CAPZA1: variants seen among roughly 807,000 people sequenced by gnomAD.
CAPZA1 encodes the protein F-actin-capping protein subunit alpha-1.
CAPZA1 carries 10 observed loss-of-function variants against 40.8 expected under a neutral mutation model. That is an observed-to-expected ratio of 0.25 (90% confidence interval 0.15 to 0.42). The LOEUF is 0.42. Ranked by LOEUF, CAPZA1 falls within the 10% of genes least tolerant of loss-of-function variation. The probability of loss-of-function intolerance (pLI) is 1.00; values close to 1 mark genes in which losing one functional copy is unlikely to be tolerated. For missense variants in CAPZA1, 277 were observed against 353.8 expected, an observed-to-expected ratio of 0.78 and a Z score of 1.74; for synonymous variants, 98 against 115.0, an observed-to-expected ratio of 0.85 and a Z score of 0.95.
At chr1:112,624,362 A>G (rs1670753948) in intron 1 of CAPZA1, among the ~76,000 whole-genome samples, 1 of 152,140 alleles carries the variant, frequency 6.6e-6, no homozygotes, top group Non-Finnish European at 1.5e-5. Context: ...TAATCCCAGT[A>G]CTTTGGGAGG....
chr1:112,658,874 C>T (rs748395988), intron 5 of CAPZA1, 148 bp from the exon 6 acceptor site: 1 of 610,550 alleles, frequency 1.6e-6, no homozygotes, highest in African/African-American at 1.8e-5. Context: ...GCTTTGTTTT[C>T]ATATCCCATG....
intron 2 of CAPZA1, 40 bp downstream of exon 2, chr1:112,647,313 A>ATTAT (rs1412905534): frequency 1.9e-6 from 2 of 1,043,502 alleles, no homozygotes; most frequent in African/African-American, 3.2e-5. Context: ...CTTAATTACC[A>ATTAT]TTATTTATTG....
intron 9 of CAPZA1, among the ~76,000 whole-genome samples, 177 bp from the exon 10 acceptor site, chr1:112,669,815 A>G (rs1671795844): frequency 6.6e-6 from 1 of 152,208 alleles, no homozygotes; most frequent in African/African-American, 2.4e-5. Flanking sequence ...TTTTAGAAAT[A>G]ATATAGGTGA....
chr1:112,664,706 G>A (rs1671689923), intron 7 of CAPZA1, among the ~76,000 whole-genome samples: 1 of 152,170 alleles, frequency 6.6e-6, no homozygotes, highest in Non-Finnish European at 1.5e-5. Flanking sequence ...GGAGACCGAG[G>A]TGGGTGGATC....
chr1:112,667,725 G>GA (rs2101193622), intron 8 of CAPZA1, among the ~76,000 whole-genome samples: 1 of 152,046 alleles, frequency 6.6e-6, no homozygotes, highest in African/African-American at 2.4e-5. Flanking sequence ...GTAGAGATGA[G>GA]GTTTCTATGT....
At chr1:112,632,599 A>G (rs1038225492) in intron 1 of CAPZA1, among the ~76,000 whole-genome samples, 1 of 152,180 alleles carries the variant, frequency 6.6e-6, no homozygotes, top group African/African-American at 2.4e-5. Context: ...GTCAAATCCT[A>G]GTTCAAAAGA....
At position 112,627,602 on chromosome 1, in the gene CAPZA1, A is replaced by G. The variant is rs1367438938; in HGVS notation, c.39+7719A>G. Among the ~76,000 whole-genome samples the G allele has an allele frequency of 5.2e-5, 7 of 134,114 alleles. No homozygotes were observed. The East Asian group carries it at 1.4e-3, about 26-fold the overall frequency. 88.0% of individuals were successfully genotyped at this position (134,114 alleles called of 152,430 possible). ...AGCCGAGATCATGCCATTGCACTCC[A>G]GCCTGGCCTGGCCGACAGTGCGAGA... On this transcript the variant is annotated intron_variant, in intron 1 of 9. Coordinates refer to ENST00000263168, the MANE Select transcript of CAPZA1 (RefSeq NM_006135.3).
At chr1:112,626,644 G>C (rs936359446) in intron 1 of CAPZA1, among the ~76,000 whole-genome samples, 1 of 151,922 alleles carries the variant, frequency 6.6e-6, no homozygotes, top group Non-Finnish European at 1.5e-5. Context: ...TTTCACTCAG[G>C]ACCTTTTTTT....
At chr1:112,620,218 T>C (rs1279377504) in intron 1 of CAPZA1, 3 of 239,746 alleles carry the variant, frequency 1.3e-5, no homozygotes, top group Non-Finnish European at 1.6e-5. Context: ...TTGCGACATA[T>C]CAAAAAGCAG....
intron 7 of CAPZA1, among the ~76,000 whole-genome samples, chr1:112,666,243 A>G (rs1671723185): frequency 6.6e-6 from 1 of 152,242 alleles, no homozygotes; most frequent in African/African-American, 2.4e-5. Flanking sequence ...AAATTAAACC[A>G]GTTATACTCC....
chr1:112,664,426 A>T (rs543723707), intron 7 of CAPZA1, among the ~76,000 whole-genome samples: 2 of 152,214 alleles, frequency 1.3e-5, no homozygotes, highest in East Asian at 1.9e-4. Flanking sequence ...CAGATCAAGG[A>T]ATTTCTAACT....
At chr1:112,647,078 C>A in intron 1 of CAPZA1, 132 bp from the exon 2 acceptor site, 1 of 445,076 alleles carries the variant, frequency 2.2e-6, no homozygotes, top group Non-Finnish European at 3.9e-6. Context: ...TTTGAAGACT[C>A]CTAAACAGTA....
intron 1 of CAPZA1, among the ~76,000 whole-genome samples, chr1:112,622,615 C>A (rs1285898534): frequency 2.6e-5 from 4 of 151,848 alleles, no homozygotes; most frequent in Non-Finnish European, 5.9e-5. Flanking sequence ...ATATTTTTTC[C>A]CTTCAGCCTA....
chr1:112,621,739 AACATTAATGTCTTGGGTT>A (rs1237998255), intron 1 of CAPZA1, among the ~76,000 whole-genome samples: 7 of 151,058 alleles, frequency 4.6e-5, no homozygotes, highest in Non-Finnish European at 8.8e-5. Flanking sequence ...TTTAATTAAT[AACATTAATGTCTTGGGTT>A]ATGGTTTTTT....
At chr1:112,659,644 T>C in intron 6 of CAPZA1, 57 bp from the exon 7 acceptor site, 1 of 1,368,794 alleles carries the variant, frequency 7.3e-7, no homozygotes, top group Non-Finnish European at 1.0e-6. Flanking sequence ...CAGTGGCAAA[T>C]CACCTCTTTC....
At chr1:112,634,418 A>T (rs1425235342) in intron 1 of CAPZA1, among the ~76,000 whole-genome samples, 1 of 152,202 alleles carries the variant, frequency 6.6e-6, no homozygotes, top group East Asian at 1.9e-4. Context: ...GTCAGTAAAA[A>T]GTTGTGTAGT....
At chr1:112,669,749 A>T (rs757905294) in intron 9 of CAPZA1, 144 bp downstream of exon 9, 24 of 782,414 alleles carry the variant, frequency 3.1e-5, no homozygotes, top group Non-Finnish European at 4.6e-5. Flanking sequence ...AGACCTTCCA[A>T]GTTGGCATTC....
At chr1:112,665,009 T>G (rs1671695639) in intron 7 of CAPZA1, among the ~76,000 whole-genome samples, 1 of 152,136 alleles carries the variant, frequency 6.6e-6, no homozygotes. Context: ...TAGTAAAGGC[T>G]TAATAAATAA....
chr1:112,666,813 A>C, intron 7 of CAPZA1: 1 of 415,870 alleles, frequency 2.4e-6, no homozygotes, highest in South Asian at 3.7e-5. Flanking sequence ...CACAGTGCTT[A>C]GAATGTGAAA....
Sources: gnomAD v4.1 joint callset for allele counts (sites outside exome capture counted in the v4.1 genomes callset) on GRCh38, gnomAD v4.1.1 for gene constraint, MANE v1.5 for transcripts, NCBI Gene and HGNC (gene_info 2026-07-23, HGNC 2026-07-21) for gene names.